The following POTEJ variants were observed in gnomAD, a reference collection of about 807,000 sequenced individuals.
The protein encoded by POTEJ is POTE ankyrin domain family, member J.
POTEJ carries 11 observed loss-of-function variants against 69.0 expected under a neutral mutation model. The ratio of observed to expected loss-of-function variants is 0.16; its 90% CI spans 0.10 to 0.26. POTEJ has a LOEUF of 0.26. Among genes scored for constraint, POTEJ ranks in the 10% least tolerant of loss-of-function variants. POTEJ has a pLI of 1.00. For synonymous variants in POTEJ, 117 were observed against 381.1 expected (o/e 0.31, Z 8.07); for missense variants, 327 against 1,045.5 (o/e 0.31, Z 9.48).
intron 1 of POTEJ, among the ~76,000 whole-genome samples, chr2:130,614,555 C>A (rs1335468799): frequency 6.7e-6 from 1 of 148,662 alleles, no homozygotes; most frequent in Non-Finnish European, 1.5e-5. Flanking sequence ...AGAAAAAAAT[C>A]AGTTTGTTAC....
chr2:130,651,823 G>T (rs1295940369), intron 13 of POTEJ, among the ~76,000 whole-genome samples: 1 of 144,988 alleles, frequency 6.9e-6, no homozygotes, highest in Non-Finnish European at 1.5e-5. Context: ...ATTTTCTGCT[G>T]GCAAATCTAG....
chr2:130,636,494 C>T (rs537558959), intron 9 of POTEJ, among the ~76,000 whole-genome samples: 1 of 146,150 alleles, frequency 6.8e-6, no homozygotes, highest in Non-Finnish European at 1.5e-5. Flanking sequence ...AAAAAAAACC[C>T]TTTCTCAGCA....
chr2:130,638,241 A>G lies in POTEJ; in HGVS notation c.1299-378A>G, dbSNP rs528634725. Reference sequence around the variant, plus strand: ...TAAATCATTATAACAACCTAGTAAAATAAGGCAGCATAGTCCTCACTTTGT... The same window carrying G: ...TAAATCATTATAACAACCTAGTAAAGTAAGGCAGCATAGTCCTCACTTTGT... On this transcript the variant is annotated intron_variant, in intron 9 of 14. Coordinates refer to ENST00000409602, the MANE Select transcript of POTEJ (RefSeq NM_001277083.2). Among the ~76,000 whole-genome samples, 3 of 151,564 alleles carry G rather than the reference A, an allele frequency of 2.0e-5. No homozygotes were observed. In the East Asian group the frequency reaches 5.9e-4, roughly 30 times the overall value.
intron 13 of POTEJ, among the ~76,000 whole-genome samples, chr2:130,649,727 G>T (rs953262098): frequency 1.0e-4 from 15 of 147,664 alleles, no homozygotes; most frequent in African/African-American, 3.6e-4. Flanking sequence ...TATCTCTATT[G>T]CTGTGTTTCA....
chr2:130,637,734 T>C (rs1328970707), intron 9 of POTEJ, among the ~76,000 whole-genome samples: 1 of 147,930 alleles, frequency 6.8e-6, no homozygotes, highest in African/African-American at 2.6e-5. Context: ...TCGTGGAACC[T>C]AAAAAAAAAA....
At chr2:130,638,846 T>C (rs1185987788) in intron 10 of POTEJ, among the ~76,000 whole-genome samples, 157 bp downstream of exon 10, 2 of 152,408 alleles carry the variant, frequency 1.3e-5, no homozygotes, top group Non-Finnish European at 2.9e-5. Flanking sequence ...TGCTACTTTA[T>C]ATTATTATTA....
intron 10 of POTEJ, among the ~76,000 whole-genome samples, chr2:130,640,521 G>T (rs1201614012): frequency 6.6e-6 from 1 of 151,868 alleles, no homozygotes; most frequent in Non-Finnish European, 1.5e-5. Flanking sequence ...GATCCCACCT[G>T]TCCCTCTTTC....
intron 10 of POTEJ, among the ~76,000 whole-genome samples, chr2:130,642,934 G>A (rs1686446336): frequency 6.6e-6 from 1 of 150,470 alleles, no homozygotes; most frequent in Non-Finnish European, 1.5e-5. Context: ...TTCTAGAAAA[G>A]CCATCTCTGA....
chr2:130,647,507 G>A (rs1235529752), intron 13 of POTEJ, among the ~76,000 whole-genome samples: 1 of 152,244 alleles, frequency 6.6e-6, no homozygotes, highest in Admixed American at 6.5e-5. Flanking sequence ...AGCTTTTTCT[G>A]CAAAGAGCTA....
intron 13 of POTEJ, among the ~76,000 whole-genome samples, chr2:130,648,314 T>C (rs1686666638): frequency 6.9e-6 from 1 of 145,694 alleles, no homozygotes; most frequent in African/African-American, 2.6e-5. Flanking sequence ...CCACCTGTTA[T>C]GTAAAATTTG....
chr2:130,623,885 C>T (rs1205820312), intron 5 of POTEJ, among the ~76,000 whole-genome samples, 179 bp from the exon 6 acceptor site: 4 of 125,676 alleles, frequency 3.2e-5, no homozygotes, highest in East Asian at 2.1e-4. Context: ...ACATTTTTTT[C>T]GTCTTTAATT....
intron 11 of POTEJ, 30 bp from the exon 12 acceptor site, chr2:130,645,707 C>G (rs1300493915): frequency 2.7e-6 from 1 of 373,074 alleles, no homozygotes; most frequent in African/African-American, 2.4e-5. Context: ...ATACAACAAG[C>G]AAATTAACCT....
intron 6 of POTEJ, among the ~76,000 whole-genome samples, chr2:130,625,719 G>A (rs1050879587): frequency 1.4e-5 from 2 of 143,020 alleles, no homozygotes; most frequent in Middle Eastern, 3.3e-3. Context: ...CAGGGTTTCT[G>A]AGCAGTTCAC....
In POTEJ at chr2:130,656,578, C is replaced by T; in HGVS notation, c.1818C>T (p.Asp606=). 5 of 1,609,596 alleles carry T rather than the reference C, an allele frequency of 3.1e-6. No individual in the cohort carries two copies. Among genetic ancestry groups the T allele is most frequent in the Non-Finnish European group, 4.2e-6 (5 of 1,179,852 alleles). Residue 606 remains aspartate, a synonymous_variant, in exon 15 of 15, where the codon GAC becomes GAT. Coordinates refer to ENST00000409602, the MANE Select transcript of POTEJ (RefSeq NM_001277083.2). Reference sequence around the variant, plus strand: ...CTCTTAGTTGTAAGAAAGAAAGAGACTTCTTGCATGAAAATAGTATGTTGC... The same window carrying T: ...CTCTTAGTTGTAAGAAAGAAAGAGATTTCTTGCATGAAAATAGTATGTTGC... ...ELSLSCKKER[D]FLHENSMLRE...
At chr2:130,636,912 A>G (rs574810319) in intron 9 of POTEJ, among the ~76,000 whole-genome samples, 1 of 146,780 alleles carries the variant, frequency 6.8e-6, no homozygotes, top group Non-Finnish European at 1.5e-5. Flanking sequence ...CCCCATCTCT[A>G]CTAAAAATAC....
At chr2:130,655,458 A>C (rs1396522672) in intron 14 of POTEJ, among the ~76,000 whole-genome samples, 1 of 152,384 alleles carries the variant, frequency 6.6e-6, no homozygotes, top group East Asian at 1.9e-4. Context: ...CACATTGTGG[A>C]TACCATTATC....
intron 9 of POTEJ, among the ~76,000 whole-genome samples, chr2:130,637,484 T>C (rs1213022371): frequency 1.3e-5 from 2 of 151,184 alleles, no homozygotes. Context: ...AAGCATTCTA[T>C]ATTTTGCGCA....
At chr2:130,648,799 T>TG in intron 13 of POTEJ, among the ~76,000 whole-genome samples, 1 of 112,014 alleles carries the variant, frequency 8.9e-6, no homozygotes, top group South Asian at 2.8e-4. Context: ...TTTTTTTTTT[T>TG]TTTTTTTTTT....
chr2:130,640,608 T>C (rs1307707472), intron 10 of POTEJ, among the ~76,000 whole-genome samples: 7 of 151,894 alleles, frequency 4.6e-5, no homozygotes, highest in Non-Finnish European at 8.8e-5. Flanking sequence ...AACATCTTGT[T>C]CTCACAACAC....
Sources: gnomAD v4.1 joint callset for allele counts (sites outside exome capture counted in the v4.1 genomes callset) on GRCh38, gnomAD v4.1.1 for gene constraint, MANE v1.5 for transcripts, NCBI Gene and HGNC (gene_info 2026-07-23, HGNC 2026-07-21) for gene names.